C22orf42: variants seen among roughly 807,000 people sequenced by gnomAD.
C22orf42 encodes uncharacterized protein C22orf42.
Under a neutral mutation model 31.4 loss-of-function variants are expected in C22orf42, and 24 were observed. The ratio of observed to expected loss-of-function variants is 0.77; its 90% CI spans 0.55 to 1.08. The LOEUF (loss-of-function observed/expected upper bound fraction) is 1.08, where lower values mean the gene tolerates loss of function less well. Ranked by LOEUF, C22orf42 falls within the 50% of genes least tolerant of loss-of-function variation. C22orf42 has a pLI of 0.00. For synonymous variants in C22orf42, 96 were observed against 112.7 expected, an observed-to-expected ratio of 0.85 and a Z score of 0.94; for missense variants, 276 against 327.3, an observed-to-expected ratio of 0.84 and a Z score of 1.21.
intron 1 of C22orf42, among the ~76,000 whole-genome samples, chr22:32,157,001 C>T (rs931056078): frequency 1.3e-5 from 2 of 152,190 alleles, no homozygotes; most frequent in Admixed American, 1.3e-4. Context: ...TGTATTGCCA[C>T]GTTTTTGGAA....
intron 1 of C22orf42, among the ~76,000 whole-genome samples, chr22:32,158,292 T>C (rs1921383864): frequency 6.6e-6 from 1 of 152,154 alleles, no homozygotes; most frequent in Non-Finnish European, 1.5e-5. Context: ...GACTACACTG[T>C]AGTAGGGCTG....
intron 2 of C22orf42, among the ~76,000 whole-genome samples, chr22:32,153,326 C>G (rs1353279462): frequency 6.6e-6 from 1 of 152,078 alleles, no homozygotes; most frequent in Non-Finnish European, 1.5e-5. Flanking sequence ...GTTGATAAAC[C>G]TCTACCTTGG....
chr22:32,150,614 A>C (rs1346165979), intron 6 of C22orf42, 135 bp from the exon 7 acceptor site: 1 of 833,660 alleles, frequency 1.2e-6, no homozygotes, highest in Non-Finnish European at 2.0e-6. Flanking sequence ...CTGCTGGACC[A>C]TTCTCCTTGG....
Position 32,150,326 on chromosome 22 carries a change from G to T in C22orf42, c.647C>A (p.Pro216Gln). 1 of 1,612,472 alleles carries T rather than the reference G, an allele frequency of 6.2e-7. No homozygotes were observed. Among genetic ancestry groups the T allele is most frequent in the Non-Finnish European group, 8.5e-7 (1 of 1,178,886 alleles). The change falls in exon 7 of 9, where the codon CCG (proline) becomes CAG (glutamine). Residue 216 changes from proline (P) to glutamine (Q), a missense_variant. Physicochemically the swap from Pro to Gln is moderately conservative, Grantham distance 76 (BLOSUM62 -1). Transcript: ENST00000382097. ...LSVSLEDLMT[P>Q]EMAKERYEDY... is the part of the protein sequence containing the mutation. ...CAAAGAAATGCATCTTACCATCTCC[G>T]GTGTCATGAGGTCTTCAAGAGAGAC...
chr22:32,152,448 A>G (rs1305478452), intron 3 of C22orf42, 114 bp downstream of exon 3: 3 of 920,098 alleles, frequency 3.3e-6, no homozygotes, highest in Non-Finnish European at 5.2e-6. Context: ...TCTAGAGTCC[A>G]TGACACTGAG....
At chr22:32,149,673 A>G in intron 8 of C22orf42, 60 bp from the exon 9 acceptor site, 2 of 1,238,224 alleles carry the variant, frequency 1.6e-6, no homozygotes, top group South Asian at 2.6e-5. Context: ...ATATATCTAC[A>G]TATATGTATA....
rs769989163 is a variant in C22orf42 at position 32,158,731 on chromosome 22, AC to A, written c.232+252del. ...TAGAGAATGGGATGGGGACTCCAAA[AC>A]TGGAGTATTTGAAATTTTACTGAGA... On this transcript the variant is annotated intron_variant, in intron 1 of 8. Coordinates refer to ENST00000382097, the MANE Select transcript of C22orf42 (RefSeq NM_001010859.3). Among the ~76,000 whole-genome samples the A allele has an allele frequency of 3.3e-3, 506 of 152,288 alleles. 1 individual carries two copies. The highest frequency in any genetic ancestry group is 5.8e-3 in the Non-Finnish European group (397 of 68,022).
intron 1 of C22orf42, among the ~76,000 whole-genome samples, chr22:32,155,932 A>G (rs1921237241): frequency 6.6e-6 from 1 of 152,154 alleles, no homozygotes; most frequent in African/African-American, 2.4e-5. Context: ...GGTATGTGGA[A>G]GACTGACGTG....
intron 8 of C22orf42, 58 bp from the exon 9 acceptor site, chr22:32,149,671 A>C: frequency 8.1e-7 from 1 of 1,228,002 alleles, no homozygotes; most frequent in Middle Eastern, 3.0e-4. Context: ...ATATATATCT[A>C]CATATATGTA....
intron 4 of C22orf42, among the ~76,000 whole-genome samples, 174 bp downstream of exon 4, chr22:32,151,879 AAAGACAGAGGAGTG>A: frequency 1.5e-5 from 1 of 67,366 alleles, no homozygotes; most frequent in Non-Finnish European, 3.2e-5. Flanking sequence ...GGGAGTTGGG[AAAGACAGAGGAGTG>A]ACTACTAGTG....
chr22:32,156,933 T>C (rs1233906568), intron 1 of C22orf42, among the ~76,000 whole-genome samples: 1 of 152,204 alleles, frequency 6.6e-6, no homozygotes, highest in Non-Finnish European at 1.5e-5. Context: ...AGTCGAGCCA[T>C]TTTGCATTTC....
upstream of C22orf42, chr22:32,159,555 T>C: frequency 3.8e-6 from 4 of 1,044,370 alleles, no homozygotes; most frequent in South Asian, 3.0e-5. Context: ...GAGGTTGTTA[T>C]TGGAAGTCAC....
intron 1 of C22orf42, among the ~76,000 whole-genome samples, chr22:32,155,632 A>G (rs1392534855): frequency 6.6e-6 from 1 of 151,674 alleles, no homozygotes; most frequent in Non-Finnish European, 1.5e-5. Flanking sequence ...TAACGTTTTA[A>G]TCAATGTTGT....
chr22:32,158,523 A>G (rs548768786), intron 1 of C22orf42, among the ~76,000 whole-genome samples: 3 of 152,212 alleles, frequency 2.0e-5, no homozygotes, highest in South Asian at 2.1e-4. Context: ...ACTTAAAACC[A>G]TCTATTAAGA....
chr22:32,153,732 C>T (rs1037483706), intron 2 of C22orf42, among the ~76,000 whole-genome samples: 1 of 151,660 alleles, frequency 6.6e-6, no homozygotes, highest in Non-Finnish European at 1.5e-5. Context: ...AAACAAGACA[C>T]AGGAAGGTTT....
intron 1 of C22orf42, among the ~76,000 whole-genome samples, chr22:32,156,927 G>T (rs1275754584): frequency 6.6e-6 from 1 of 152,104 alleles, no homozygotes; most frequent in Admixed American, 6.5e-5. Context: ...TCGTGGAGTC[G>T]AGCCATTTTG....
chr22:32,150,264 A>T, intron 7 of C22orf42, 55 bp downstream of exon 7: 1 of 1,525,046 alleles, frequency 6.6e-7, no homozygotes, highest in Non-Finnish European at 9.0e-7. Context: ...TTCATTAATA[A>T]GGCAAGAGGA....
rs1569333316 is a variant in C22orf42, at chr22:32,151,495, A to T, written c.457T>A (p.Ser153Thr). 2 of 1,613,562 alleles carry T rather than the reference A, an allele frequency of 1.2e-6. No homozygotes were observed. The highest frequency in any genetic ancestry group is 1.7e-6 in the Non-Finnish European group (2 of 1,179,450). The change falls in exon 5 of 9, where the codon TCA (serine) becomes ACA (threonine). Residue 153 changes from serine to threonine, a missense_variant. Physicochemically the swap from Ser to Thr is moderately conservative, Grantham distance 58 (BLOSUM62 1). Transcript: ENST00000382097. ...AAAGAAATACATCTTACAATATCTG[A>T]CGTTATATTCTCCTCCACACCGCCG... ...AHGGVEENIT[S>T]DIEISEAKHD... is the part of the protein sequence containing the mutation.
At position 32,154,319 on chromosome 22, in the gene C22orf42, C is replaced by G. The variant is rs1238759661; in HGVS notation, c.233-1G>C. Reference sequence around the variant, plus strand: ...CAGCGCTTGGAGCGGGCGTCCAAACCTGCAAGGTAGAGCAGACTTCTTATA... The same window carrying G: ...CAGCGCTTGGAGCGGGCGTCCAAACGTGCAAGGTAGAGCAGACTTCTTATA... On this transcript the variant is annotated splice_acceptor_variant, in intron 1 of 8. Coordinates refer to ENST00000382097, the MANE Select transcript of C22orf42 (RefSeq NM_001010859.3). LOFTEE classifies it high-confidence loss of function. The G allele has an allele frequency of 1.9e-6, 3 of 1,612,436 alleles. No individual in the cohort carries two copies. The highest frequency in any genetic ancestry group is 2.5e-6 in the Non-Finnish European group (3 of 1,179,418).
Sources: gnomAD v4.1 joint callset for allele counts (sites outside exome capture counted in the v4.1 genomes callset) on GRCh38, gnomAD v4.1.1 for gene constraint, MANE v1.5 for transcripts, NCBI Gene and HGNC (gene_info 2026-07-23, HGNC 2026-07-21) for gene names.